The following CMSS1 variants were observed in gnomAD, a reference collection of about 807,000 sequenced individuals.
CMSS1 encodes the protein cms1 ribosomal small subunit homolog.
In CMSS1, 33 loss-of-function variants were observed where a neutral mutation model predicts 43.5. The ratio of observed to expected loss-of-function variants is 0.76; its 90% CI spans 0.57 to 1.01. The LOEUF is 1.01. Among genes scored for constraint, CMSS1 ranks in the 50% least tolerant of loss-of-function variants. The pLI is 0.00. For synonymous variants in CMSS1, 115 were observed against 117.2 expected (o/e 0.98, Z 0.12); for missense variants, 313 against 326.4 (o/e 0.96, Z 0.32).
At chr3:100,025,821 G>T (rs1179013456) in intron 1 of CMSS1, among the ~76,000 whole-genome samples, 1 of 152,080 alleles carries the variant, frequency 6.6e-6, no homozygotes, top group African/African-American at 2.4e-5. Flanking sequence ...TCCATTTTTT[G>T]TTGGTAAGCC....
chr3:99,903,206 T>G (rs1194880949), intron 1 of CMSS1, among the ~76,000 whole-genome samples: 1 of 151,914 alleles, frequency 6.6e-6, no homozygotes, highest in African/African-American at 2.4e-5. Context: ...AGCTGGCACG[T>G]CATAAATCTG....
intron 1 of CMSS1, chr3:100,011,626 A>T (rs1449097631): frequency 6.6e-6 from 1 of 152,230 alleles, no homozygotes; most frequent in African/African-American, 2.4e-5. Flanking sequence ...TGAATATTGG[A>T]TGAAGCAGTG....
chr3:100,086,638 G>A (rs1014152116), intron 1 of CMSS1, among the ~76,000 whole-genome samples: 2 of 152,216 alleles, frequency 1.3e-5, no homozygotes, highest in African/African-American at 4.8e-5. Flanking sequence ...CAGCAATTTA[G>A]TGTAGAGCCT....
At chr3:100,097,171 G>A (rs542952632) in intron 1 of CMSS1, among the ~76,000 whole-genome samples, 1 of 152,288 alleles carries the variant, frequency 6.6e-6, no homozygotes, top group Non-Finnish European at 1.5e-5. Flanking sequence ...GAGAGATCTA[G>A]GTTACATGCT....
At chr3:99,938,013 T>C (rs1707735019) in intron 1 of CMSS1, among the ~76,000 whole-genome samples, 1 of 152,122 alleles carries the variant, frequency 6.6e-6, no homozygotes, top group Admixed American at 6.5e-5. Context: ...TTAATATCAA[T>C]TTCAGGGCAG....
chr3:99,837,385 T>C (rs1942944352), intron 1 of CMSS1, among the ~76,000 whole-genome samples: 1 of 149,092 alleles, frequency 6.7e-6, no homozygotes, highest in Non-Finnish European at 1.5e-5. Flanking sequence ...AAGAACACCA[T>C]GAAAAGGCAT....
At chr3:100,041,484 T>TCACAAAAC (rs537310767) in intron 1 of CMSS1, 90 of 152,286 alleles carry the variant, frequency 5.9e-4, no homozygotes, top group African/African-American at 2.0e-3. Flanking sequence ...AGCCCTGTTA[T>TCACAAAAC]ATCAGTGTTT....
chr3:99,945,516 T>G (rs1223871746), intron 1 of CMSS1, among the ~76,000 whole-genome samples: 1 of 152,134 alleles, frequency 6.6e-6, no homozygotes, highest in Non-Finnish European at 1.5e-5. Flanking sequence ...AGTAAATAAA[T>G]GGATGTCAGA....
chr3:100,145,609 C>A (rs2107511899), intron 1 of CMSS1, among the ~76,000 whole-genome samples: 1 of 152,264 alleles, frequency 6.6e-6, no homozygotes, highest in East Asian at 1.9e-4. Flanking sequence ...AACTGGAGAT[C>A]CAGGAGAGCT....
chr3:99,987,366 T>TA (rs199498507), intron 1 of CMSS1, among the ~76,000 whole-genome samples: 2,118 of 151,382 alleles, frequency 0.014, 113 homozygotes, highest in East Asian at 0.12. Context: ...TTGCCTCTAC[T>TA]AAAAATACAA....
At chr3:100,160,385 T>G (rs1172026240) in intron 2 of CMSS1, 45 bp from the exon 3 acceptor site, 1 of 1,010,884 alleles carries the variant, frequency 9.9e-7, no homozygotes, top group Non-Finnish European at 1.5e-6. Context: ...AATTGACACT[T>G]TATCATGAAA....
intron 2 of CMSS1, among the ~76,000 whole-genome samples, chr3:100,153,555 C>T (rs1180697273): frequency 2.6e-5 from 4 of 152,330 alleles, no homozygotes; most frequent in African/African-American, 4.8e-5. Context: ...CTCACTATGT[C>T]TTCACATGGT....
intron 1 of CMSS1, among the ~76,000 whole-genome samples, chr3:100,004,322 T>C (rs909453044): frequency 2.9e-4 from 44 of 152,284 alleles, no homozygotes; most frequent in African/African-American, 8.2e-4. Flanking sequence ...TTGTGTATAA[T>C]GGTAGCTGAA....
chr3:100,018,878 A>G (rs189323706), intron 1 of CMSS1, among the ~76,000 whole-genome samples: 1 of 152,328 alleles, frequency 6.6e-6, no homozygotes, highest in East Asian at 1.9e-4. Context: ...CTCATTAAAA[A>G]ATTGTCAAAG....
At chr3:99,951,672 G>A (rs1392323429) in intron 1 of CMSS1, among the ~76,000 whole-genome samples, 1 of 152,126 alleles carries the variant, frequency 6.6e-6, no homozygotes, top group Admixed American at 6.6e-5. Flanking sequence ...GTTGGGCTTG[G>A]CCACCTTATG....
intron 1 of CMSS1, among the ~76,000 whole-genome samples, chr3:99,904,230 A>C (rs921590954): frequency 1.3e-5 from 2 of 152,380 alleles, no homozygotes; most frequent in Non-Finnish European, 2.9e-5. Flanking sequence ...GCCATAGGCC[A>C]GATTGTTTCA....
intron 1 of CMSS1, among the ~76,000 whole-genome samples, chr3:100,104,495 G>C (rs1265976709): frequency 6.6e-6 from 1 of 152,178 alleles, no homozygotes; most frequent in Non-Finnish European, 1.5e-5. Flanking sequence ...ACTGTTAGCA[G>C]TTCACAACTT....
chr3:100,139,535 G>A (rs1334287979), intron 1 of CMSS1, among the ~76,000 whole-genome samples: 1 of 130,514 alleles, frequency 7.7e-6, no homozygotes, highest in African/African-American at 2.7e-5. Flanking sequence ...AAAAATGTGT[G>A]TGTGTGTGTG....
At chr3:99,827,787 T>C (rs1176248995) in intron 1 of CMSS1, among the ~76,000 whole-genome samples, 2 of 152,028 alleles carry the variant, frequency 1.3e-5, no homozygotes, top group Non-Finnish European at 2.9e-5. Flanking sequence ...GCATTTTTAG[T>C]AGAGACGAGG....
Sources: gnomAD v4.1 joint callset for allele counts (sites outside exome capture counted in the v4.1 genomes callset) on GRCh38, gnomAD v4.1.1 for gene constraint, MANE v1.5 for transcripts, NCBI Gene and HGNC (gene_info 2026-07-23, HGNC 2026-07-21) for gene names.